DCC: variants seen among roughly 807,000 people sequenced by gnomAD.
The protein encoded by DCC is netrin receptor DCC.
A neutral mutation model predicts 172.5 loss-of-function variants in DCC; 58 were observed. The ratio of observed to expected loss-of-function variants is 0.34; its 90% CI spans 0.27 to 0.42. The LOEUF (loss-of-function observed/expected upper bound fraction) is 0.42, where lower values mean the gene tolerates loss of function less well. Ranked by LOEUF, DCC falls within the 10% of genes least tolerant of loss-of-function variation. DCC has a pLI of 1.00. For synonymous variants in DCC, 709 were observed against 644.5 expected (o/e 1.10, Z -1.52); for missense variants, 1,740 against 1,791.0 (o/e 0.97, Z 0.51).
At chr18:53,259,597 C>T (rs1184370474) in intron 12 of DCC, among the ~76,000 whole-genome samples, 1 of 152,138 alleles carries the variant, frequency 6.6e-6, no homozygotes, top group Non-Finnish European at 1.5e-5. Flanking sequence ...GTCTAATGGG[C>T]TTCCCTTTGT....
intron 1 of DCC, among the ~76,000 whole-genome samples, chr18:52,513,979 T>C (rs1055708114): frequency 2.0e-5 from 3 of 152,216 alleles, no homozygotes; most frequent in Non-Finnish European, 4.4e-5. Flanking sequence ...TATTGCTTTA[T>C]TTATTTTTGG....
intron 5 of DCC, among the ~76,000 whole-genome samples, chr18:52,974,248 G>T (rs1328008009): frequency 1.3e-5 from 2 of 152,144 alleles, no homozygotes; most frequent in African/African-American, 4.8e-5. Flanking sequence ...TTCTGATATT[G>T]TTCACGTAGG....
intron 1 of DCC, among the ~76,000 whole-genome samples, chr18:52,511,284 A>C (rs1479508008): frequency 6.6e-6 from 1 of 150,656 alleles, no homozygotes. Context: ...CTGTCTCAAA[A>C]AAAAAAAAAA....
intron 1 of DCC, among the ~76,000 whole-genome samples, chr18:52,737,043 G>T (rs2036740667): frequency 6.6e-6 from 1 of 152,120 alleles, no homozygotes; most frequent in Non-Finnish European, 1.5e-5. Context: ...TGGATTTATA[G>T]TCTCTATCAT....
chr18:53,381,203 A>G (rs1170128601), intron 15 of DCC, among the ~76,000 whole-genome samples: 2 of 152,208 alleles, frequency 1.3e-5, no homozygotes, highest in Non-Finnish European at 2.9e-5. Context: ...CTCAGTACCA[A>G]GTAAGGTATT....
chr18:53,086,962 T>C (rs540313612), intron 7 of DCC, among the ~76,000 whole-genome samples: 1 of 151,866 alleles, frequency 6.6e-6, no homozygotes, highest in Non-Finnish European at 1.5e-5. Flanking sequence ...TAGTATTCCA[T>C]GGTGTATATG....
At chr18:52,776,930 A>G (rs1254354788) in intron 2 of DCC, among the ~76,000 whole-genome samples, 1 of 152,174 alleles carries the variant, frequency 6.6e-6, no homozygotes, top group East Asian at 1.9e-4. Context: ...TTTTGTAACC[A>G]CGTATCCAAG....
chr18:52,611,140 C>T (rs572214991), intron 1 of DCC, among the ~76,000 whole-genome samples: 1 of 152,160 alleles, frequency 6.6e-6, no homozygotes, highest in Non-Finnish European at 1.5e-5. Context: ...TGACCCCCCC[C>T]TCCTGACAAC....
At chr18:52,762,482 A>AC (rs1241533301) in intron 2 of DCC, among the ~76,000 whole-genome samples, 5 of 149,764 alleles carry the variant, frequency 3.3e-5, no homozygotes, top group South Asian at 2.1e-4. Flanking sequence ...CAAAAAAAAA[A>AC]AAACAAACAT....
chr18:53,212,923 CGGGCTCCCAAA>C (rs995726792), intron 11 of DCC, among the ~76,000 whole-genome samples: 8 of 152,104 alleles, frequency 5.3e-5, no homozygotes, highest in African/African-American at 1.9e-4. Context: ...CCACCTCCCT[CGGGCTCCCAAA>C]GTGCTGGGAT....
chr18:53,489,544 G>T (rs1404800184), intron 26 of DCC, among the ~76,000 whole-genome samples: 1 of 152,026 alleles, frequency 6.6e-6, no homozygotes, highest in Non-Finnish European at 1.5e-5. Context: ...CTTATTAGTC[G>T]CCTTGGGAAA....
intron 15 of DCC, among the ~76,000 whole-genome samples, chr18:53,343,195 T>TAC (rs2057682717): frequency 6.6e-6 from 1 of 151,906 alleles, no homozygotes; most frequent in South Asian, 2.1e-4. Context: ...TTAGGATCTG[T>TAC]AGTAAAATAC....
chr18:52,416,332 A>C (rs1367061375), intron 1 of DCC, among the ~76,000 whole-genome samples: 2 of 151,546 alleles, frequency 1.3e-5, no homozygotes, highest in Non-Finnish European at 3.0e-5. Flanking sequence ...TGTGGTGCTG[A>C]AAAAAATGTA....
chr18:53,520,941 A>G (rs568594569), intron 27 of DCC, among the ~76,000 whole-genome samples: 6 of 152,188 alleles, frequency 3.9e-5, no homozygotes, highest in South Asian at 4.1e-4. Flanking sequence ...CCTGCTGACA[A>G]TGAACTCTGG....
chr18:53,496,776 G>C (rs1175988401), intron 26 of DCC, among the ~76,000 whole-genome samples: 1 of 152,208 alleles, frequency 6.6e-6, no homozygotes, highest in East Asian at 1.9e-4. Flanking sequence ...CCAGTTTAGA[G>C]AAGAACATAA....
intron 22 of DCC, among the ~76,000 whole-genome samples, chr18:53,446,313 AC>A (rs1157845927): frequency 6.6e-6 from 1 of 152,042 alleles, no homozygotes; most frequent in Non-Finnish European, 1.5e-5. Context: ...ACATTGAGCC[AC>A]ATCATAATGT....
chr18:53,155,736 T>C (rs1227949438), intron 7 of DCC, among the ~76,000 whole-genome samples: 2 of 152,236 alleles, frequency 1.3e-5, no homozygotes, highest in Non-Finnish European at 2.9e-5. Flanking sequence ...TTCAAATTGT[T>C]TCCAAACAGG....
chr18:53,519,120 G>C (rs2046371377), intron 27 of DCC, among the ~76,000 whole-genome samples: 1 of 152,100 alleles, frequency 6.6e-6, no homozygotes, highest in South Asian at 2.1e-4. Context: ...GTAAAGTTAA[G>C]TACAGGTAGA....
In DCC at chr18:52,496,227, A is replaced by G. The variant is rs375648369; in HGVS notation, c.91+155349A>G. Among the ~76,000 whole-genome samples, 8 of 152,122 alleles carry G rather than the reference A, an allele frequency of 5.3e-5. 1 individual carries two copies. Among genetic ancestry groups the G allele is most frequent in the Admixed American group, 5.2e-4 (8 of 15,254 alleles). On this transcript the variant is annotated intron_variant, in intron 1 of 28. Coordinates refer to ENST00000442544, the MANE Select transcript of DCC (RefSeq NM_005215.4). ...ATATCGACAAGGTAAATACAGGCCA[A>G]AGATAATTTTTTAGCTTATAATATT...
Sources: gnomAD v4.1 joint callset for allele counts (sites outside exome capture counted in the v4.1 genomes callset) on GRCh38, gnomAD v4.1.1 for gene constraint, MANE v1.5 for transcripts, NCBI Gene and HGNC (gene_info 2026-07-23, HGNC 2026-07-21) for gene names.